Variants in VILL observed in about 807,000 individuals in gnomAD.
VILL encodes the protein villin like.
In VILL, 102 loss-of-function variants were observed where a neutral mutation model predicts 106.3. That is an observed-to-expected ratio of 0.96 (90% confidence interval 0.82 to 1.13). The LOEUF (loss-of-function observed/expected upper bound fraction) is 1.13. Among genes scored for constraint, VILL ranks in the 50% most tolerant of loss-of-function variants. VILL has a pLI of 0.00. For synonymous variants in VILL, 431 were observed against 440.3 expected (o/e 0.98, Z 0.27); for missense variants, 1,076 against 1,116.6 (o/e 0.96, Z 0.52).
chr3:37,988,146 G>A (rs1175787588), upstream of VILL: 6 of 152,374 alleles, frequency 3.9e-5, no homozygotes, highest in East Asian at 1.2e-3. Context: ...TAGAGAGTGG[G>A]GCTTCCAGGC....
chr3:37,998,946 C>G lies in VILL; in HGVS notation c.977C>G (p.Thr326Ser). The G allele has an allele frequency of 6.2e-7, 1 of 1,610,440 alleles. No individual in the cohort carries two copies. Among genetic ancestry groups the G allele is most frequent in the Non-Finnish European group, 8.5e-7 (1 of 1,178,260 alleles). Residue 326 changes from threonine (T) to serine (S), a missense_variant, in exon 10 of 20, where the codon ACC (threonine) becomes AGC (serine). Physicochemically the swap from Thr to Ser is moderately conservative, Grantham distance 58. Coordinates refer to ENST00000383759, the MANE Select transcript of VILL (RefSeq NM_015873.4). The surrounding 1 kb of genome is among the most constrained non-coding windows in gnomAD (Gnocchi z 4.1). ...CAGGCCAAGGGCTACCCGACCTACA[C>G]CAACGTGGAGGTGGTGAACGACGGC... Reference protein sequence around the residue: ...FIQAKGYPTYTNVEVVNDGAE... With the variant: ...FIQAKGYPTYSNVEVVNDGAE...
upstream of VILL, among the ~76,000 whole-genome samples, chr3:37,990,142 C>A (rs1699591924): frequency 6.6e-6 from 1 of 152,348 alleles, no homozygotes; most frequent in East Asian, 1.9e-4. This position sits in a 1 kb window ranked among gnomAD's most constrained non-coding sequence, Gnocchi z 5.1. Flanking sequence ...CCCTCCACCC[C>A]ACAGTGAGAG....
At position 37,993,973 on chromosome 3, in the gene VILL, G is replaced by A. The variant is rs1699652555; in HGVS notation, c.135+1G>A. On this transcript the variant is annotated splice_donor_variant, in intron 3 of 19. Transcript: ENST00000383759. LOFTEE classifies it high-confidence loss of function. ...GGAACACTGCTATGTCATCCTCCAC[G>A]TGAGTCGCTTGGGGAAGTCTGCCTG... 6.2e-7 allele frequency: 1 copy of A among 1,614,184 alleles called. No individual in the cohort carries two copies. Among genetic ancestry groups the A allele is most frequent in the Non-Finnish European group, 8.5e-7 (1 of 1,180,024 alleles).
upstream of VILL, among the ~76,000 whole-genome samples, chr3:37,989,008 T>C (rs184691827): frequency 3.9e-5 from 6 of 152,222 alleles, no homozygotes; most frequent in Non-Finnish European, 8.8e-5. Flanking sequence ...CTGGCTACTG[T>C]GGTAGGATGG....
At chr3:37,993,824 C>T in intron 2 of VILL, 74 bp from the exon 3 acceptor site, 1 of 1,607,076 alleles carries the variant, frequency 6.2e-7, no homozygotes, top group Non-Finnish European at 8.5e-7. Flanking sequence ...TCAGAGCGTC[C>T]TCTTCCACCC....
chr3:37,993,634 T>C lies in VILL; in HGVS notation c.-39T>C. On this transcript the variant is annotated 5_prime_UTR_variant, in exon 2 of 20. Transcript: ENST00000383759. ...GTCTCCAGCCTGAGAACTCTGGCTG[T>C]TGTTCCTTGTGTCGTCCCATATTCC... is the stretch of plus-strand genomic sequence containing the variant. 4 of 1,605,806 alleles carry C rather than the reference T, an allele frequency of 2.5e-6. No homozygotes were observed. The highest frequency in any genetic ancestry group is 2.2e-5 in the East Asian group (1 of 44,686).
Position 38,007,007 on chromosome 3 carries a change from G to A in VILL, c.2523G>A (p.Met841Ile). 1 of 1,614,126 alleles carries A rather than the reference G, an allele frequency of 6.2e-7. No homozygotes were observed. The highest frequency in any genetic ancestry group is 8.5e-7 in the Non-Finnish European group (1 of 1,180,014). Reference sequence around the variant, plus strand: ...AATCCAAGGAGGAATTCTACAGCATGGCCACGTGGAGGCAGCGGCAGGAGA... The same window carrying A: ...AATCCAAGGAGGAATTCTACAGCATAGCCACGTGGAGGCAGCGGCAGGAGA... The part of the protein sequence containing the change: ...FGKSKEEFYS[M>I]ATWRQRQEKK... Residue 841 changes from methionine (M) to isoleucine (I), a missense_variant, in exon 20 of 20, where the codon ATG becomes ATA. Physicochemically the swap from Met to Ile is conservative, Grantham distance 10 (BLOSUM62 1). Transcript: ENST00000383759.
rs369355921 is a variant in VILL at position 37,995,803 on chromosome 3, C to T, written c.406C>T (p.Arg136Ter). Reference sequence around the variant, plus strand: ...GGAGACCAACTTGTTCAACATCCAGCGACTGCTGCACATCAAAGGGAGGAA... The same window carrying T: ...GGAGACCAACTTGTTCAACATCCAGTGACTGCTGCACATCAAAGGGAGGAA... ...HVETNLFNIQRLLHIKGRKHV... is the reference protein window; with the variant it reads ...HVETNLFNIQ The change falls in exon 5 of 20, where the codon CGA (arginine) becomes TGA (stop). Residue 136 changes from arginine (R) to a stop codon, truncating the protein, a stop_gained. Transcript: ENST00000383759. LOFTEE classifies it high-confidence loss of function. 5.4e-5 allele frequency: 87 copies of T among 1,613,728 alleles called. No homozygotes were observed. The highest frequency in any genetic ancestry group is 3.6e-4 in the South Asian group (33 of 91,078).
chr3:37,999,446 G>A lies in VILL; in HGVS notation c.1182+7G>A. 6.8e-7 allele frequency: 1 copy of A among 1,472,482 alleles called. No homozygotes were observed. The highest frequency in any genetic ancestry group is 2.6e-5 in the East Asian group (1 of 38,286). 91.2% of individuals were successfully genotyped at this position (1,472,482 alleles called of 1,614,324 possible). A position where few individuals can be genotyped will look rare whatever the true frequency, so the allele number is the denominator to read the frequency against. ...CGGCTCTGGGAAGGTGGAGGTGAGG[G>A]GTACTGGGTTAGCTGGGGGAAGATG... On this transcript the variant is annotated splice_region_variant and intron_variant, in intron 11 of 19. Transcript: ENST00000383759.
chr3:37,993,995 C>T lies in VILL; in HGVS notation c.135+23C>T, dbSNP rs369013530. 4.2e-5 allele frequency: 68 copies of T among 1,613,776 alleles called. No individual in the cohort carries two copies. The African/African-American group carries it at 6.5e-4, about 15-fold the overall frequency. Reference sequence around the variant, plus strand: ...CACGTGAGTCGCTTGGGGAAGTCTGCCTGAGAGGGGTGGCATGGCCCGGCA... The same window carrying T: ...CACGTGAGTCGCTTGGGGAAGTCTGTCTGAGAGGGGTGGCATGGCCCGGCA... On this transcript the variant is annotated intron_variant, in intron 3 of 19. Transcript: ENST00000383759.
In VILL at chr3:38,002,561, C is replaced by G. The variant is rs1318445553; in HGVS notation, c.1645C>G (p.Leu549Val). The G allele has an allele frequency of 6.2e-7, 1 of 1,613,416 alleles. No individual in the cohort carries two copies. Among genetic ancestry groups the G allele is most frequent in the Non-Finnish European group, 8.5e-7 (1 of 1,179,636 alleles). ...GCTGGTCACAGCCAGCGTCTGCTACCTCTGGTTTGGGAAGGTACCCACAGC... is the reference window on the plus strand; with the variant it reads ...GCTGGTCACAGCCAGCGTCTGCTACGTCTGGTTTGGGAAGGTACCCACAGC... ...FLLVTASVCY[L>V]WFGKGCNGDQ... Residue 549 changes from leucine (L) to valine (V), a missense_variant, in exon 14 of 20, where the codon CTC (leucine) becomes GTC (valine). Leu to Val is a conservative substitution (Grantham distance 32). Transcript: ENST00000383759.
intron 14 of VILL, 76 bp from the exon 15 acceptor site, chr3:38,003,092 C>T (rs2125537020): frequency 1.3e-6 from 2 of 1,550,846 alleles, no homozygotes; most frequent in African/African-American, 2.7e-5. Flanking sequence ...ACCCCATACA[C>T]CCTGTGAACG....
At chr3:38,002,991 C>A in intron 14 of VILL, 177 bp from the exon 15 acceptor site, 1 of 801,848 alleles carries the variant, frequency 1.2e-6, no homozygotes, top group Middle Eastern at 3.7e-4. Context: ...TCCAGATCAA[C>A]TGGGGACACA....
At chr3:38,001,239 G>C in intron 11 of VILL, 1 of 668,800 alleles carries the variant, frequency 1.5e-6, no homozygotes, top group Non-Finnish European at 2.5e-6. Context: ...CCCAAGTGTG[G>C]TGGGTTTCAG....
At chr3:38,003,339 C>G (rs753188153) in intron 15 of VILL, 26 bp downstream of exon 15, 11 of 1,578,922 alleles carry the variant, frequency 7.0e-6, no homozygotes, top group Non-Finnish European at 9.4e-6. Flanking sequence ...GGAGAGTGTT[C>G]TTACCCAGAG....
intron 13 of VILL, 166 bp downstream of exon 13, chr3:38,002,026 C>A: frequency 2.8e-6 from 3 of 1,084,722 alleles, no homozygotes; most frequent in Non-Finnish European, 4.0e-6. Context: ...TGGCCCCCTG[C>A]CTGAGTTTCC....
chr3:37,995,679 T>C (rs1559655800), intron 4 of VILL, 60 bp from the exon 5 acceptor site: 1 of 1,389,754 alleles, frequency 7.2e-7, no homozygotes, highest in Non-Finnish European at 1.0e-6. Context: ...TTCATGCACA[T>C]GGCAGTCTGT....
chr3:38,001,501 C>G lies in VILL; in HGVS notation c.1228C>G (p.Arg410Gly). 6.2e-7 allele frequency: 1 copy of G among 1,614,222 alleles called. No homozygotes were observed. The highest frequency in any genetic ancestry group is 8.5e-7 in the Non-Finnish European group (1 of 1,180,032). ...ACACAGGCAGCCCGTGGACCCCAAG[C>G]GTCATGGACAGCTGTGTGCAGGCAA... ...DLHRQPVDPK[R>G]HGQLCAGNCY... The change falls in exon 12 of 20, where the codon CGT becomes GGT. Residue 410 changes from arginine (R) to glycine (G), a missense_variant. Transcript: ENST00000383759.
At position 38,005,871 on chromosome 3, in the gene VILL, C is replaced by CA; in HGVS notation, c.2031dup (p.Ala678SerfsTer17). 6.2e-7 allele frequency: 1 copy of CA among 1,614,146 alleles called. No homozygotes were observed. The highest frequency in any genetic ancestry group is 8.5e-7 in the Non-Finnish European group (1 of 1,180,010). On this transcript the variant is annotated frameshift_variant, in exon 17 of 20. Transcript: ENST00000383759. LOFTEE classifies it high-confidence loss of function. ...GGCCAGGAGTACCTGAAGACTCACC[C>CA]AGCAGGGAGGAGCCCGGCCACACCC...
Sources: gnomAD v4.1 joint callset for allele counts (sites outside exome capture counted in the v4.1 genomes callset) on GRCh38, gnomAD v4.1.1 for gene constraint, Gnocchi (gnomAD v3.1) non-coding constraint, MANE v1.5 for transcripts, NCBI Gene and HGNC (gene_info 2026-07-23, HGNC 2026-07-21) for gene names.